The following FAM78B variants were observed in gnomAD, a reference collection of about 807,000 sequenced individuals.
FAM78B encodes the protein protein FAM78B.
A neutral mutation model predicts 20.0 loss-of-function variants in FAM78B; 10 were observed. The ratio of observed to expected loss-of-function variants is 0.50; its 90% confidence interval spans 0.31 to 0.85. The LOEUF is 0.85. Among genes scored for constraint, FAM78B ranks in the 40% least tolerant of loss-of-function variants. The probability of loss-of-function intolerance (pLI) is 0.05; values close to 1 mark genes in which losing one functional copy is unlikely to be tolerated. For synonymous variants in FAM78B, 135 were observed against 132.8 expected, an observed-to-expected ratio of 1.02 and a Z score of -0.12; for missense variants, 283 against 345.0, an observed-to-expected ratio of 0.82 and a Z score of 1.42.
At chr1:166,160,623 G>A (rs1488048184) in intron 1 of FAM78B, among the ~76,000 whole-genome samples, 1 of 152,184 alleles carries the variant, frequency 6.6e-6, no homozygotes, top group East Asian at 1.9e-4. Context: ...AGATCTTTGT[G>A]GGTTCAGGCT....
At chr1:166,092,567 TC>T (rs1653119451) in intron 1 of FAM78B, among the ~76,000 whole-genome samples, 1 of 152,238 alleles carries the variant, frequency 6.6e-6, no homozygotes, top group Non-Finnish European at 1.5e-5. Context: ...TTAAGCCTGA[TC>T]TTGTCATGAA....
In FAM78B at chr1:166,166,293, G is replaced by A; in HGVS notation, c.-45C>T. On this transcript the variant is annotated 5_prime_UTR_variant, in exon 1 of 2. Transcript: ENST00000354422. Reference sequence around the variant, plus strand: ...ACGGCGCGGCGTGGGGCAGCGCGGGGGCCCGCGCGGGCAGCCGGGGGCGCC... The same window carrying A: ...ACGGCGCGGCGTGGGGCAGCGCGGGAGCCCGCGCGGGCAGCCGGGGGCGCC... The A allele has an allele frequency of 1.7e-6, 2 of 1,196,048 alleles. No individual in the cohort carries two copies. Among genetic ancestry groups the A allele is most frequent in the East Asian group, 3.6e-5 (1 of 28,164 alleles). 74.1% of individuals were successfully genotyped at this position (1,196,048 alleles called of 1,614,324 possible).
intron 1 of FAM78B, among the ~76,000 whole-genome samples, chr1:166,097,900 G>A (rs1035037256): frequency 3.9e-5 from 6 of 152,152 alleles, no homozygotes; most frequent in East Asian, 3.9e-4. Context: ...TCTGGAAAGC[G>A]CCATGTCCTG....
At chr1:166,142,633 T>C (rs529621283) in intron 1 of FAM78B, among the ~76,000 whole-genome samples, 4 of 152,376 alleles carry the variant, frequency 2.6e-5, no homozygotes, top group Admixed American at 2.6e-4. Context: ...GGTTTGGGTA[T>C]AATCTTTATC....
chr1:166,073,536 CTTT>C (rs201582992), intron 1 of FAM78B, among the ~76,000 whole-genome samples: 27 of 135,796 alleles, frequency 2.0e-4, no homozygotes, highest in African/African-American at 4.6e-4. Context: ...CTCTTTCTCT[CTTT>C]TTTTTTTTTT....
chr1:166,064,393 C>G (rs1463016886), downstream of FAM78B, among the ~76,000 whole-genome samples: 2 of 152,118 alleles, frequency 1.3e-5, no homozygotes, highest in Non-Finnish European at 2.9e-5. Flanking sequence ...AAAAATGCAG[C>G]TGTTCCTGGC....
chr1:166,142,376 C>T (rs1024301171), intron 1 of FAM78B, among the ~76,000 whole-genome samples: 5 of 152,130 alleles, frequency 3.3e-5, no homozygotes, highest in Non-Finnish European at 5.9e-5. Context: ...GAAGACTGCA[C>T]AGCTGAGGCT....
downstream of FAM78B, among the ~76,000 whole-genome samples, chr1:166,055,985 C>T (rs1295345600): frequency 6.6e-6 from 1 of 152,142 alleles, no homozygotes; most frequent in Non-Finnish European, 1.5e-5. Context: ...GCCAATTGTT[C>T]TTTCCAGAGA....
chr1:166,064,135 C>T lies in FAM78B; in HGVS notation c.*410-3472G>A, dbSNP rs576117713. On this transcript the variant is annotated intron_variant and NMD_transcript_variant, in intron 2 of 2. Transcript: ENST00000435676. ...GTAGGGCCATGGGGAATGGGGCTGC[C>T]TCGGGCAGGTGCAGAGAGAAGCCAT... Among the ~76,000 whole-genome samples the T allele has an allele frequency of 2.0e-5, 3 of 152,254 alleles. No individual in the cohort carries two copies. The East Asian group carries it at 5.8e-4, about 29-fold the overall frequency.
chr1:166,066,450 G>A (rs537482442), downstream of FAM78B, among the ~76,000 whole-genome samples: 1 of 152,280 alleles, frequency 6.6e-6, no homozygotes, highest in South Asian at 2.1e-4. Context: ...TTTCTTTTGT[G>A]CCCTCTAGTC....
chr1:166,160,586 A>G (rs1656108535), intron 1 of FAM78B, among the ~76,000 whole-genome samples: 1 of 152,262 alleles, frequency 6.6e-6, no homozygotes, highest in Non-Finnish European at 1.5e-5. Flanking sequence ...ATTAGTGCTA[A>G]GTAACTGCTG....
intron 1 of FAM78B, among the ~76,000 whole-genome samples, chr1:166,143,520 C>T (rs1655351572): frequency 6.6e-6 from 1 of 152,106 alleles, no homozygotes; most frequent in Admixed American, 6.5e-5. Context: ...TAAATTTCAT[C>T]TTGAAGGGAA....
At position 166,166,720 on chromosome 1, in the gene FAM78B, C is replaced by A. The variant is rs1356466549; in HGVS notation, c.-472G>T. 6.7e-6 allele frequency: 1 copy of A among 149,484 alleles called. No homozygotes were observed. Among genetic ancestry groups the A allele is most frequent in the Non-Finnish European group, 1.5e-5 (1 of 66,990 alleles). 9.3% of individuals were successfully genotyped at this position (149,484 alleles called of 1,614,324 possible). A position where few individuals can be genotyped will look rare whatever the true frequency, so the allele number is the denominator to read the frequency against. ...CGGCGGCAGCAGCAGCAGCCGCCGC[C>A]GCCGCCGCCGCTGCATGAACCTCTG... is the stretch of plus-strand genomic sequence containing the variant. On this transcript the variant is annotated 5_prime_UTR_variant, in exon 1 of 2. Coordinates refer to ENST00000354422, the MANE Select transcript of FAM78B (RefSeq NM_001017961.5).
chr1:166,060,425 C>A, exon 3 of FAM78B: 1 of 411,950 alleles, frequency 2.4e-6, no homozygotes, highest in South Asian at 1.8e-5. Flanking sequence ...CCCCATGGGC[C>A]AAGCAGGCAG....
intron 1 of FAM78B, chr1:166,087,070 C>CATT (rs1652862495): frequency 6.6e-6 from 1 of 150,848 alleles, no homozygotes; most frequent in Non-Finnish European, 1.5e-5. Context: ...TTACCATCTC[C>CATT]ATTTTTTTTT....
At chr1:166,105,463 A>G (rs1653733929) in intron 1 of FAM78B, among the ~76,000 whole-genome samples, 1 of 152,162 alleles carries the variant, frequency 6.6e-6, no homozygotes, top group African/African-American at 2.4e-5. Flanking sequence ...TCATCTGACA[A>G]AGGGCTAATA....
intron 1 of FAM78B, among the ~76,000 whole-genome samples, chr1:166,165,717 T>C (rs1656343926): frequency 6.6e-6 from 1 of 152,130 alleles, no homozygotes; most frequent in Admixed American, 6.5e-5. Flanking sequence ...ACCCTCCTTG[T>C]CGCGTTCTTC....
chr1:166,122,607 T>C (rs778387996), intron 1 of FAM78B, among the ~76,000 whole-genome samples: 40 of 152,228 alleles, frequency 2.6e-4, no homozygotes, highest in African/African-American at 6.8e-4. Flanking sequence ...AAGGGCATTG[T>C]GTGAATCACC....
At chr1:166,143,328 G>A (rs369967860) in intron 1 of FAM78B, among the ~76,000 whole-genome samples, 1 of 152,060 alleles carries the variant, frequency 6.6e-6, no homozygotes, top group African/African-American at 2.4e-5. Flanking sequence ...CTGGGGAACA[G>A]CATATTCAAA....
Sources: allele counts gnomAD v4.1 joint callset (sites outside exome capture counted in the v4.1 genomes callset), GRCh38; gene constraint gnomAD v4.1.1; transcripts MANE v1.5; gene names NCBI Gene and HGNC (gene_info 2026-07-23, HGNC 2026-07-21).